Variants in TOPBP1 observed in about 807,000 individuals in gnomAD.
TOPBP1 encodes DNA topoisomerase 2-binding protein 1.
A neutral mutation model predicts 167.7 loss-of-function variants in TOPBP1; 28 were observed. The observed-to-expected ratio is 0.17, with a 90% confidence interval of 0.12 to 0.23. The LOEUF (loss-of-function observed/expected upper bound fraction) is 0.23, where lower values mean the gene tolerates loss of function less well. TOPBP1 is among the 10% of genes least tolerant of loss of function. The probability of loss-of-function intolerance (pLI) is 1.00; values close to 1 mark genes in which losing one functional copy is unlikely to be tolerated. For synonymous variants in TOPBP1, 598 were observed against 611.4 expected, an observed-to-expected ratio of 0.98 and a Z score of 0.32; for missense variants, 1,554 against 1,809.6, an observed-to-expected ratio of 0.86 and a Z score of 2.56.
rs2107794197 is a variant in TOPBP1 at position 133,628,421 on chromosome 3, T to A, written c.2745A>T (p.Lys915Asn). 2 of 1,610,948 alleles carry A rather than the reference T, an allele frequency of 1.2e-6. No individual in the cohort carries two copies. The highest frequency in any genetic ancestry group is 4.5e-5 in the East Asian group (2 of 44,820). ...TTAGTTCACTCTGCTTCTTACTGAGTTTTTTACTAACACATACCACTACTT... is the reference window on the plus strand; with the variant it reads ...TTAGTTCACTCTGCTTCTTACTGAGATTTTTACTAACACATACCACTACTT... ...LHKVVVCVSK[K>N]LSKKQSELNG... The change falls in exon 16 of 28, where the codon AAA becomes AAT. Residue 915 changes from lysine (K) to asparagine (N), a missense_variant. Lys to Asn is a moderately conservative substitution (Grantham distance 94). Transcript: ENST00000260810.
At chr3:133,602,642 CAG>C (rs1934342690) in intron 27 of TOPBP1, among the ~76,000 whole-genome samples, 1 of 151,690 alleles carries the variant, frequency 6.6e-6, no homozygotes, top group African/African-American at 2.4e-5. Flanking sequence ...TGTAAAGGCT[CAG>C]ACAGAAACAT....
rs535380871 is a variant in TOPBP1 at position 133,618,007 on chromosome 3, A to G, written c.3592+206T>C. On this transcript the variant is annotated intron_variant, in intron 21 of 27. Coordinates refer to ENST00000260810, the MANE Select transcript of TOPBP1 (RefSeq NM_007027.4). The stretch of plus-strand genomic sequence containing the variant: ...CGCCCAATTCTAAATTTCCAAATTT[A>G]TGAAAATGTTTTTCAATTTACTGAT... 1.3e-5 allele frequency: 7 copies of G among 536,332 alleles called. No homozygotes were observed. In the South Asian group the frequency reaches 1.7e-4, roughly 13 times the overall value. The allele number at this position is 536,332 out of a possible 1,614,324, so 33.2% of individuals were successfully genotyped here.
chr3:133,648,415 T>C (rs1936156467), intron 10 of TOPBP1, among the ~76,000 whole-genome samples: 1 of 152,190 alleles, frequency 6.6e-6, no homozygotes, highest in African/African-American at 2.4e-5. Flanking sequence ...AATTGTAAGA[T>C]GTTAAAAGAT....
At chr3:133,622,185 G>GTTTTTTT (rs398052284) in intron 19 of TOPBP1, among the ~76,000 whole-genome samples, 21 of 106,432 alleles carry the variant, frequency 2.0e-4, no homozygotes, top group South Asian at 6.2e-4. Context: ...CACCATTTAT[G>GTTTTTTT]TTTTTTTTTT....
At chr3:133,657,678 C>G in intron 4 of TOPBP1, 120 bp downstream of exon 4, 1 of 775,948 alleles carries the variant, frequency 1.3e-6, no homozygotes, top group South Asian at 4.3e-5. Context: ...GTATACTGAA[C>G]TTTGTTAAAA....
rs770264504 is a variant in TOPBP1 at position 133,639,988 on chromosome 3, T to C, written c.2204A>G (p.His735Arg). The change falls in exon 13 of 28, where the codon CAT becomes CGT. Residue 735 changes from histidine to arginine, a missense_variant. Physicochemically the swap from His to Arg is conservative, Grantham distance 29. Coordinates refer to ENST00000260810, the MANE Select transcript of TOPBP1 (RefSeq NM_007027.4). ...ARTGKRADES[H>R]FLIENSTKEE... Reference sequence around the variant, plus strand: ...TTTAGTTGAATTTTCAATCAGAAAATGGCTTTCGTCTGCTCTCTTTCCCGT... The same window carrying C: ...TTTAGTTGAATTTTCAATCAGAAAACGGCTTTCGTCTGCTCTCTTTCCCGT... 116 of 1,613,700 alleles carry C rather than the reference T, an allele frequency of 7.2e-5. No individual in the cohort carries two copies. Among genetic ancestry groups the C allele is most frequent in the Non-Finnish European group, 9.0e-5 (106 of 1,179,826 alleles).
intron 10 of TOPBP1, among the ~76,000 whole-genome samples, chr3:133,646,099 A>G (rs999511004): frequency 6.6e-5 from 10 of 151,950 alleles, no homozygotes; most frequent in African/African-American, 2.4e-4. Context: ...GTGAGCCAAG[A>G]CCACGCCACT....
chr3:133,651,598 T>C (rs1413557059), intron 8 of TOPBP1, among the ~76,000 whole-genome samples: 1 of 152,190 alleles, frequency 6.6e-6, no homozygotes, highest in Non-Finnish European at 1.5e-5. Flanking sequence ...TATTCCAATC[T>C]AAGACAGCGG....
intron 14 of TOPBP1, among the ~76,000 whole-genome samples, chr3:133,633,521 T>C (rs1166293643): frequency 6.6e-6 from 1 of 152,232 alleles, no homozygotes. Flanking sequence ...CTGGACGTGG[T>C]GGCTCACACC....
chr3:133,634,616 A>AT (rs1576300026), intron 14 of TOPBP1, among the ~76,000 whole-genome samples: 1 of 152,218 alleles, frequency 6.6e-6, no homozygotes, highest in East Asian at 1.9e-4. Flanking sequence ...TTGGCATCAG[A>AT]TTTTTTTTCA....
rs1282397091 is a variant in TOPBP1 at position 133,655,308 on chromosome 3, T to C, written c.724A>G (p.Ile242Val). Reference protein sequence around the residue: ...QLKMNECTHLIVQEPKGQKYE... With the variant: ...QLKMNECTHLVVQEPKGQKYE... ...GTTTTACCTTTTGGTTCTTGCACAA[T>C]GAGGTGTGTACATTCATTCATTTTC... The change falls in exon 6 of 28, where the codon ATT (isoleucine) becomes GTT (valine). Residue 242 changes from isoleucine to valine, a missense_variant. By Grantham distance (29) the Ile-to-Val change is conservative. Coordinates refer to ENST00000260810, the MANE Select transcript of TOPBP1 (RefSeq NM_007027.4). 6.9e-7 allele frequency: 1 copy of C among 1,452,400 alleles called. No individual in the cohort carries two copies. The highest frequency in any genetic ancestry group is 9.1e-7 in the Non-Finnish European group (1 of 1,097,214). 90.0% of individuals were successfully genotyped at this position (1,452,400 alleles called of 1,614,324 possible).
chr3:133,655,556 T>C, intron 5 of TOPBP1, 70 bp from the exon 6 acceptor site: 1 of 836,644 alleles, frequency 1.2e-6, no homozygotes, highest in African/African-American at 1.8e-5. Context: ...ACAACACAAA[T>C]ATCACTATTG....
At chr3:133,645,603 C>T (rs751505773) in intron 10 of TOPBP1, among the ~76,000 whole-genome samples, 4 of 151,912 alleles carry the variant, frequency 2.6e-5, no homozygotes, top group Admixed American at 2.0e-4. Context: ...CTTTTTTCGA[C>T]GTCTATATGT....
chr3:133,636,481 A>G (rs1576301350), intron 14 of TOPBP1, among the ~76,000 whole-genome samples: 1 of 152,168 alleles, frequency 6.6e-6, no homozygotes, highest in East Asian at 1.9e-4. Context: ...TTTATGTGCC[A>G]TCAAAAAAGA....
rs568625972 is a variant in TOPBP1 at position 133,637,893 on chromosome 3, G to C, written c.2503C>G (p.Pro835Ala). ...KFLSKDKLFKPSFDVKDALAA... is the reference protein window; with the variant it reads ...KFLSKDKLFKASFDVKDALAA... ...AACCTTACCTTCACATCAAAGGAAG[G>C]CTTGAAGAGTTTGTCCTTGGACAGG... The change falls in exon 14 of 28, where the codon CCT (proline) becomes GCT (alanine). Residue 835 changes from proline (P) to alanine (A), a missense_variant. Transcript: ENST00000260810. 5 of 1,613,870 alleles carry C rather than the reference G, an allele frequency of 3.1e-6. No individual in the cohort carries two copies. In the South Asian group the frequency reaches 5.5e-5, roughly 18 times the overall value.
At chr3:133,646,046 C>T (rs1478153209) in intron 10 of TOPBP1, among the ~76,000 whole-genome samples, 3 of 151,668 alleles carry the variant, frequency 2.0e-5, no homozygotes, top group Admixed American at 6.6e-5. Context: ...ACTTGGGAGG[C>T]TGAGGCAGGA....
intron 27 of TOPBP1, among the ~76,000 whole-genome samples, chr3:133,604,511 G>C (rs901172525): frequency 6.6e-6 from 1 of 151,658 alleles, no homozygotes; most frequent in African/African-American, 2.4e-5. Flanking sequence ...TTGATAAGAT[G>C]AAATGGATAT....
chr3:133,631,298 C>G (rs757123360), intron 14 of TOPBP1, among the ~76,000 whole-genome samples: 4 of 152,168 alleles, frequency 2.6e-5, no homozygotes, highest in African/African-American at 9.7e-5. Flanking sequence ...TTGAATGCCA[C>G]CTTTATTACA....
chr3:133,607,812 C>A (rs915343608), intron 27 of TOPBP1, among the ~76,000 whole-genome samples: 1 of 152,192 alleles, frequency 6.6e-6, no homozygotes, highest in Admixed American at 6.5e-5. Context: ...ATCGTGGATA[C>A]TAATCAGTAT....
Sources: allele counts gnomAD v4.1 joint callset (sites outside exome capture counted in the v4.1 genomes callset), GRCh38; gene constraint gnomAD v4.1.1; transcripts MANE v1.5; gene names NCBI Gene and HGNC (gene_info 2026-07-23, HGNC 2026-07-21).